The following RIMBP2 variants were observed in gnomAD, a reference collection of about 807,000 sequenced individuals.
RIMBP2 encodes RIMS-binding protein 2.
In RIMBP2, 48 loss-of-function variants were observed where a neutral mutation model predicts 118.6. That is an observed-to-expected ratio of 0.40 (90% confidence interval 0.32 to 0.51). RIMBP2 has a LOEUF of 0.51. RIMBP2 is among the 20% of genes least tolerant of loss of function. The pLI, the probability that RIMBP2 is intolerant of heterozygous loss-of-function variation, is 0.41. For missense variants in RIMBP2, 1,551 were observed against 1,768.3 expected (o/e 0.88, Z 2.20); for synonymous variants, 762 against 742.9 (o/e 1.03, Z -0.42).
rs34248781 is a variant in RIMBP2 at position 130,626,733 on chromosome 12, C to T, written c.-217+1589G>A. On this transcript the variant is annotated intron_variant, in intron 2 of 22. Coordinates refer to ENST00000690449, the MANE Select transcript of RIMBP2 (RefSeq NM_001393629.1). ...ACCTCCTCCATCACCACAACTACCG[C>T]CGGCATCATCACCATCTCCTCTGTT... Among the ~76,000 whole-genome samples, 351 of 151,596 alleles carry T rather than the reference C, an allele frequency of 2.3e-3. 1 individual carries two copies. The highest frequency in any genetic ancestry group is 3.9e-3 in the Non-Finnish European group (268 of 67,926).
chr12:130,564,773 T>C (rs773457480), intron 2 of RIMBP2, among the ~76,000 whole-genome samples: 9 of 152,172 alleles, frequency 5.9e-5, no homozygotes, highest in South Asian at 2.1e-4. Flanking sequence ...TTCACTGATA[T>C]ACAAGATGCA....
At position 130,414,132 on chromosome 12, in the gene RIMBP2, A is replaced by G; in HGVS notation, c.3413T>C (p.Ile1138Thr). The G allele has an allele frequency of 6.2e-7, 1 of 1,614,142 alleles. No individual in the cohort carries two copies. The highest frequency in any genetic ancestry group is 8.5e-7 in the Non-Finnish European group (1 of 1,180,022). The stretch of plus-strand genomic sequence containing the variant: ...CAGGCAGCCATCCCGCACCTTGATG[A>G]TCTGGCCTTCTTTAAAGGGAAGCTC... ...EEELPFKEGQ[I>T]IKVYGDKDAD... Residue 1138 changes from isoleucine (I) to threonine (T), a missense_variant, in exon 18 of 23, where the codon ATC becomes ACC. By Grantham distance (89) the Ile-to-Thr change is moderately conservative (BLOSUM62 -1). This residue lies in a region of RIMBP2 where 1,038 missense variants were observed against 1,125.1 expected (regional missense o/e 0.92). Coordinates refer to ENST00000690449, the MANE Select transcript of RIMBP2 (RefSeq NM_001393629.1).
At chr12:130,611,017 G>A (rs1196874519) in intron 2 of RIMBP2, among the ~76,000 whole-genome samples, 2 of 152,184 alleles carry the variant, frequency 1.3e-5, no homozygotes, top group African/African-American at 4.8e-5. Flanking sequence ...CAGCTCCCAG[G>A]TGACTTCACC....
intron 2 of RIMBP2, among the ~76,000 whole-genome samples, chr12:130,531,303 G>T (rs4237819): frequency 0.75 from 113,507 of 152,166 alleles, 42,473 homozygotes; most frequent in East Asian, 0.84. Flanking sequence ...TAGGACATTC[G>T]CTGCCACCTC....
intron 2 of RIMBP2, among the ~76,000 whole-genome samples, chr12:130,535,758 T>TACACACATATACATATAC (rs1566218322): frequency 1.6e-5 from 1 of 63,336 alleles, no homozygotes; most frequent in African/African-American, 4.3e-5. Flanking sequence ...TATATATATA[T>TACACACATATACATATAC]ATATATATAT....
intron 1 of RIMBP2, among the ~76,000 whole-genome samples, chr12:130,636,728 G>T (rs1433192995): frequency 1.3e-5 from 2 of 152,168 alleles, no homozygotes; most frequent in Non-Finnish European, 2.9e-5. Flanking sequence ...TTTGGGTGTG[G>T]AGTCAGCACT....
At chr12:130,631,197 C>T (rs1397407061) in intron 1 of RIMBP2, among the ~76,000 whole-genome samples, 2 of 152,054 alleles carry the variant, frequency 1.3e-5, no homozygotes, top group African/African-American at 4.8e-5. Context: ...GCAAATGGCA[C>T]AATTGAAAAT....
chr12:130,648,000 C>CACACGTGTGCACACACATGTGA lies in RIMBP2; in HGVS notation c.-351-19566_-351-19545dup, dbSNP rs1432401243. 3.5e-3 allele frequency among the ~76,000 whole-genome samples: 506 copies of CACACGTGTGCACACACATGTGA among 146,506 alleles called. 24 individuals carry two copies. The highest frequency in any genetic ancestry group is 0.012 in the African/African-American group (480 of 40,968). ...CCAGCTCCGTTGGATAACACATGCA[C>CACACGTGTGCACACACATGTGA]ACACGTGTGCACACACATGTGAACA... On this transcript the variant is annotated intron_variant, in intron 1 of 22. Transcript: ENST00000690449.
chr12:130,687,189 C>T (rs1296563476), intron 1 of RIMBP2, among the ~76,000 whole-genome samples: 1 of 152,206 alleles, frequency 6.6e-6, no homozygotes, highest in East Asian at 1.9e-4. Context: ...AAGCCATGTT[C>T]AAAGGGCAGG....
intron 1 of RIMBP2, among the ~76,000 whole-genome samples, chr12:130,715,150 G>A (rs554080140): frequency 2.6e-5 from 4 of 152,340 alleles, no homozygotes; most frequent in African/African-American, 9.6e-5. Context: ...TTCCCTGGAC[G>A]AAGTGGGGTT....
Position 130,424,251 on chromosome 12 carries a change from G to A in RIMBP2, c.3020C>T (p.Thr1007Ile). 8.1e-7 allele frequency: 1 copy of A among 1,231,926 alleles called. No individual in the cohort carries two copies. Among genetic ancestry groups the A allele is most frequent in the Non-Finnish European group, 1.0e-6 (1 of 987,912 alleles). 76.3% of individuals were successfully genotyped at this position (1,231,926 alleles called of 1,614,324 possible). A position where few individuals can be genotyped will look rare whatever the true frequency, so the allele number is the denominator to read the frequency against. ...PPRKHGWGEP[T>I]EHQDFRGVWK... ...GACACCCCGAAAATCTTGGTGCTCGGTGGGCTCGCCCCAGCCGTGCTTCCT... is the reference window on the plus strand; with the variant it reads ...GACACCCCGAAAATCTTGGTGCTCGATGGGCTCGCCCCAGCCGTGCTTCCT... Residue 1007 changes from threonine (T) to isoleucine (I), a missense_variant, in exon 16 of 23, where the codon ACC becomes ATC. This residue lies in a region of RIMBP2 where 1,038 missense variants were observed against 1,125.1 expected (regional missense o/e 0.92). Transcript: ENST00000690449. The surrounding 1 kb of genome is among the most constrained non-coding windows in gnomAD (Gnocchi z 9.8).
chr12:130,400,733 C>T (rs938766386), intron 21 of RIMBP2, among the ~76,000 whole-genome samples: 14 of 152,154 alleles, frequency 9.2e-5, no homozygotes, highest in African/African-American at 3.4e-4. Context: ...CATCTATCTG[C>T]TAAGGGGTTA....
intron 2 of RIMBP2, among the ~76,000 whole-genome samples, chr12:130,605,214 T>C (rs1002469306): frequency 5.9e-5 from 9 of 152,196 alleles, no homozygotes; most frequent in Non-Finnish European, 1.5e-5. Context: ...CCTAATAATA[T>C]AATGGATGCT....
At chr12:130,616,787 A>T (rs1027667389) in intron 2 of RIMBP2, among the ~76,000 whole-genome samples, 5 of 152,208 alleles carry the variant, frequency 3.3e-5, no homozygotes, top group Non-Finnish European at 7.3e-5. Context: ...CTACATCGCC[A>T]TGTGGCAGCC....
intron 2 of RIMBP2, among the ~76,000 whole-genome samples, chr12:130,596,840 A>G (rs2059590268): frequency 6.6e-6 from 1 of 152,250 alleles, no homozygotes; most frequent in Admixed American, 6.5e-5. Flanking sequence ...CTACAAAAAT[A>G]ACTCACATTA....
At chr12:130,668,919 CT>C (rs1267969344) in intron 1 of RIMBP2, among the ~76,000 whole-genome samples, 27 of 152,372 alleles carry the variant, frequency 1.8e-4, no homozygotes, top group Admixed American at 1.1e-3. Flanking sequence ...CCGAGAGCCC[CT>C]GTACAGCGTT....
intron 1 of RIMBP2, among the ~76,000 whole-genome samples, chr12:130,695,189 G>A (rs943893588): frequency 2.0e-5 from 3 of 152,140 alleles, no homozygotes; most frequent in Non-Finnish European, 4.4e-5. Context: ...CATCCTGCCT[G>A]GAGCCTTCCC....
intron 1 of RIMBP2, among the ~76,000 whole-genome samples, chr12:130,680,401 C>A (rs1486913026): frequency 6.6e-6 from 1 of 152,146 alleles, no homozygotes; most frequent in Non-Finnish European, 1.5e-5. Context: ...GAGCTGTGAG[C>A]ACACAGATGG....
intron 11 of RIMBP2, among the ~76,000 whole-genome samples, chr12:130,439,959 G>A (rs1401072306): frequency 2.0e-5 from 3 of 151,638 alleles, no homozygotes; most frequent in African/African-American, 7.3e-5. Flanking sequence ...ATGTATGTGG[G>A]TCTGTAGGGA....
Sources: allele counts gnomAD v4.1 joint callset (sites outside exome capture counted in the v4.1 genomes callset), GRCh38; gene constraint gnomAD v4.1.1; regional missense constraint gnomAD v4.1.1; non-coding constraint Gnocchi (gnomAD v3.1); transcripts MANE v1.5; gene names NCBI Gene and HGNC (gene_info 2026-07-23, HGNC 2026-07-21).